BANK1: variants seen among roughly 807,000 people sequenced by gnomAD.
BANK1 encodes B cell scaffold protein with ankyrin repeats 1, also known as B-cell scaffold protein with ankyrin repeats.
Under a neutral mutation model 94.5 loss-of-function variants are expected in BANK1, and 95 were observed. The observed-to-expected ratio is 1.00, with a 90% CI of 0.85 to 1.19. The LOEUF (loss-of-function observed/expected upper bound fraction) is 1.19, where lower values mean the gene tolerates loss of function less well. Among genes scored for constraint, BANK1 ranks in the 50% most tolerant of loss-of-function variants. The pLI, the probability that BANK1 is intolerant of heterozygous loss-of-function variation, is 0.00. For synonymous variants in BANK1, 334 were observed against 308.4 expected (o/e 1.08, Z -0.87); for missense variants, 987 against 932.2 (o/e 1.06, Z -0.77).
intron 1 of BANK1, among the ~76,000 whole-genome samples, chr4:101,829,008 A>AC (rs1276613089): frequency 6.6e-6 from 1 of 151,596 alleles, no homozygotes; most frequent in Non-Finnish European, 1.5e-5. Flanking sequence ...GACTACAGGC[A>AC]CCCACCACCA....
At chr4:101,835,645 A>C (rs1726796786) in intron 2 of BANK1, among the ~76,000 whole-genome samples, 1 of 152,232 alleles carries the variant, frequency 6.6e-6, no homozygotes, top group African/African-American at 2.4e-5. Flanking sequence ...AACTATGCAG[A>C]AGCATTGTTT....
intron 1 of BANK1, among the ~76,000 whole-genome samples, chr4:101,807,503 A>G (rs548811884): frequency 2.0e-5 from 3 of 152,264 alleles, no homozygotes; most frequent in Non-Finnish European, 4.4e-5. Flanking sequence ...CTAAAAAGAA[A>G]CTGACTTTCT....
intron 2 of BANK1, among the ~76,000 whole-genome samples, chr4:101,854,109 A>G (rs1452181534): frequency 1.3e-5 from 2 of 152,082 alleles, no homozygotes; most frequent in African/African-American, 4.8e-5. Flanking sequence ...CCTAGTTTCT[A>G]ACTGTCAGGG....
chr4:102,067,241 G>A (rs2148966541), intron 13 of BANK1, among the ~76,000 whole-genome samples: 1 of 152,132 alleles, frequency 6.6e-6, no homozygotes, highest in East Asian at 1.9e-4. Flanking sequence ...AGTAGAAAAA[G>A]AGGAACATAA....
rs561838453 is a variant in BANK1 at position 101,969,590 on chromosome 4, T to TA, written c.1206+51411dup. ...TTCCAAATCCCTAAAAGTTTCTTTG[T>TA]AAAAAAAAAAGTTTACTGAGGAAAA... is the stretch of plus-strand genomic sequence containing the variant. On this transcript the variant is annotated intron_variant, in intron 7 of 16. Transcript: ENST00000322953. 6.6e-3 allele frequency among the ~76,000 whole-genome samples: 982 copies of TA among 149,252 alleles called. 10 individuals are homozygous for TA. The highest frequency in any genetic ancestry group is 0.02 in the African/African-American group (833 of 40,840).
chr4:101,958,457 C>T (rs1447704743), intron 7 of BANK1, among the ~76,000 whole-genome samples: 2 of 141,278 alleles, frequency 1.4e-5, no homozygotes, highest in African/African-American at 5.2e-5. Flanking sequence ...GCAGACTGCC[C>T]CCCATGCTTT....
chr4:101,877,905 TACTTTCA>T (rs1264240624), intron 5 of BANK1, among the ~76,000 whole-genome samples: 1 of 151,998 alleles, frequency 6.6e-6, no homozygotes, highest in Admixed American at 6.6e-5. Flanking sequence ...AATAAAATAG[TACTTTCA>T]ATCCTCTTGG....
intron 4 of BANK1, among the ~76,000 whole-genome samples, chr4:101,865,214 CGAT>C (rs533780670): frequency 4.6e-5 from 7 of 152,224 alleles, no homozygotes; most frequent in African/African-American, 1.7e-4. Flanking sequence ...CTGGAGAAAA[CGAT>C]GAACTAAGAG....
At chr4:101,891,132 T>C (rs1017081821) in intron 5 of BANK1, among the ~76,000 whole-genome samples, 1 of 152,110 alleles carries the variant, frequency 6.6e-6, no homozygotes, top group Non-Finnish European at 1.5e-5. Flanking sequence ...AGGTCTTCTT[T>C]CATTATAACC....
intron 2 of BANK1, among the ~76,000 whole-genome samples, chr4:101,845,975 A>C (rs1292714391): frequency 1.3e-5 from 2 of 152,090 alleles, no homozygotes; most frequent in Non-Finnish European, 2.9e-5. Context: ...TTAACTCGTC[A>C]TTTACCATTA....
At chr4:102,018,621 T>C (rs1425266783) in intron 7 of BANK1, among the ~76,000 whole-genome samples, 1 of 152,222 alleles carries the variant, frequency 6.6e-6, no homozygotes, top group Non-Finnish European at 1.5e-5. Context: ...CATTCTGTGC[T>C]ACAAGGACTA....
At chr4:102,039,199 GT>G (rs1178030031) in intron 10 of BANK1, among the ~76,000 whole-genome samples, 1 of 152,104 alleles carries the variant, frequency 6.6e-6, no homozygotes, top group Non-Finnish European at 1.5e-5. Flanking sequence ...GTGGCTGTCT[GT>G]GTCCACACCT....
chr4:101,943,831 C>G (rs1054773832), intron 7 of BANK1, among the ~76,000 whole-genome samples: 2 of 151,826 alleles, frequency 1.3e-5, no homozygotes, highest in Non-Finnish European at 2.9e-5. Flanking sequence ...TGAAACTATA[C>G]TGCCCGATTT....
intron 7 of BANK1, among the ~76,000 whole-genome samples, chr4:102,004,747 A>G (rs1489929092): frequency 6.6e-6 from 1 of 152,210 alleles, no homozygotes; most frequent in Admixed American, 6.5e-5. Context: ...TTAAGGGTCA[A>G]GTAAAAATCA....
At chr4:101,870,708 G>A (rs953811823) in intron 5 of BANK1, 64 bp downstream of exon 5, 1 of 1,511,486 alleles carries the variant, frequency 6.6e-7, no homozygotes, top group African/African-American at 1.4e-5. Context: ...AGGATAAGAG[G>A]ATTCATGCTT....
rs945528559 is a variant in BANK1, at chr4:101,944,037, TGTGAGAGA to T, written c.1206+25850_1206+25857del. ...GTGTGTGTGTTTGTGTGTGTGTGTGTGTGAGAGAGAGAGAGAGAGAGAGAGAGACAGAC... is the reference window on the plus strand; with the variant it reads ...GTGTGTGTGTTTGTGTGTGTGTGTGTGAGAGAGAGAGAGAGAGAGACAGAC... On this transcript the variant is annotated intron_variant, in intron 7 of 16. Transcript: ENST00000322953. Among the ~76,000 whole-genome samples, 65 of 148,146 alleles carry T rather than the reference TGTGAGAGA, an allele frequency of 4.4e-4. No individual in the cohort carries two copies. In the Middle Eastern group the frequency reaches 0.011, roughly 24 times the overall value.
intron 8 of BANK1, 128 bp from the exon 9 acceptor site, chr4:102,025,073 A>G: frequency 2.0e-6 from 2 of 992,842 alleles, no homozygotes; most frequent in Non-Finnish European, 3.0e-6. Flanking sequence ...CACATTTGAC[A>G]GCTTTTCACT....
intron 12 of BANK1, 194 bp from the exon 13 acceptor site, chr4:102,062,881 T>G (rs1728464754): frequency 1.9e-6 from 1 of 532,240 alleles, no homozygotes; most frequent in Non-Finnish European, 3.4e-6. Flanking sequence ...TGACGACATT[T>G]TACATCCACT....
chr4:101,960,850 G>A (rs544192635), intron 7 of BANK1, among the ~76,000 whole-genome samples: 9 of 152,210 alleles, frequency 5.9e-5, no homozygotes, highest in Non-Finnish European at 1.0e-4. Flanking sequence ...TTTTAGCTCC[G>A]CCTCTTCTAC....
Sources: allele counts gnomAD v4.1 joint callset (sites outside exome capture counted in the v4.1 genomes callset), GRCh38; gene constraint gnomAD v4.1.1; transcripts MANE v1.5; gene names NCBI Gene and HGNC (gene_info 2026-07-23, HGNC 2026-07-21).